SETX: variants seen among roughly 807,000 people sequenced by gnomAD.
SETX encodes helicase senataxin.
Under a neutral mutation model 227.2 loss-of-function variants are expected in SETX, and 90 were observed. The ratio of observed to expected loss-of-function variants is 0.40; its 90% CI spans 0.33 to 0.47. The LOEUF is 0.47. Ranked by LOEUF, SETX falls within the 20% of genes least tolerant of loss-of-function variation. The pLI is 0.91. For missense variants in SETX, 3,052 were observed against 3,181.5 expected, an observed-to-expected ratio of 0.96 and a Z score of 0.98; for synonymous variants, 1,210 against 1,113.2, an observed-to-expected ratio of 1.09 and a Z score of -1.73.
chr9:132,293,714 C>T, intron 15 of SETX, among the ~76,000 whole-genome samples: 1 of 152,100 alleles, frequency 6.6e-6, no homozygotes, highest in East Asian at 1.9e-4. Flanking sequence ...GCCACTGTGC[C>T]CAGCCTGCTA....
chr9:132,276,449 A>G (rs1245925307), intron 22 of SETX, among the ~76,000 whole-genome samples: 1 of 152,146 alleles, frequency 6.6e-6, no homozygotes, highest in Non-Finnish European at 1.5e-5. Context: ...CAGCCATCCC[A>G]TGATGTAGAA....
intron 3 of SETX, among the ~76,000 whole-genome samples, chr9:132,347,316 A>G (rs1177074503): frequency 1.3e-5 from 2 of 151,754 alleles, no homozygotes; most frequent in Admixed American, 1.3e-4. Context: ...ATGTTTAAAC[A>G]CTTTTTATTT....
intron 19 of SETX, chr9:132,282,925 G>T: frequency 2.8e-6 from 1 of 354,202 alleles, no homozygotes; most frequent in South Asian, 2.3e-5. Flanking sequence ...GACATCAGGT[G>T]AACATACTGT....
chr9:132,284,921 C>G (rs534956288), intron 18 of SETX, among the ~76,000 whole-genome samples: 1 of 151,724 alleles, frequency 6.6e-6, no homozygotes, highest in South Asian at 2.1e-4. Context: ...CTCTGTCACC[C>G]AGGCTGGAGT....
At chr9:132,284,871 TA>T (rs1278456525) in intron 18 of SETX, among the ~76,000 whole-genome samples, 1 of 151,530 alleles carries the variant, frequency 6.6e-6, no homozygotes, top group Non-Finnish European at 1.5e-5. Context: ...CCCACAAAGC[TA>T]TTTTTTTTGT....
chr9:132,308,842 C>A (rs1845482046), intron 11 of SETX, among the ~76,000 whole-genome samples: 2 of 152,086 alleles, frequency 1.3e-5, no homozygotes, highest in Non-Finnish European at 2.9e-5. Context: ...CCAAAGCACT[C>A]AAAAAGTAGA....
At chr9:132,337,918 C>T (rs559574175) in intron 5 of SETX, among the ~76,000 whole-genome samples, 5 of 152,168 alleles carry the variant, frequency 3.3e-5, no homozygotes, top group South Asian at 4.1e-4. Flanking sequence ...GCACCTTCAC[C>T]GAATGCTCAA....
Position 132,271,752 on chromosome 9 carries a change from A to G in SETX, c.7157T>C (p.Ile2386Thr), listed in dbSNP as rs201887051. The change falls in exon 24 of 26, where the codon ATT becomes ACT. Residue 2386 changes from isoleucine to threonine, a missense_variant. This residue lies in a region of SETX where 412 missense variants were observed against 589.0 expected (regional missense o/e 0.70). Transcript: ENST00000224140. The part of the protein sequence containing the change: ...AFQGRQKDCV[I>T]VTCVRANSIQ... ...GCTATTTGCTCTGACACACGTAACA[A>G]TAACACAATCCTTCTGCCGACCCTG... 11 of 1,614,184 alleles carry G rather than the reference A, an allele frequency of 6.8e-6. No individual in the cohort carries two copies. Among genetic ancestry groups the G allele is most frequent in the Non-Finnish European group, 9.3e-6 (11 of 1,180,028 alleles).
At position 132,278,155 on chromosome 9, in the gene SETX, G is replaced by A. The variant is rs371379076; in HGVS notation, c.6757C>T (p.Gln2253Ter). ...HNMISRLPIL[Q>*]LTVQYRMHPD... Reference sequence around the variant, plus strand: ...TGCATCCTGTACTGAACAGTGAGCTGTAGAATGGGCAGCCTGCTGATCATG... The same window carrying A: ...TGCATCCTGTACTGAACAGTGAGCTATAGAATGGGCAGCCTGCTGATCATG... The change falls in exon 21 of 26, where the codon CAG (glutamine) becomes TAG (stop). Residue 2253 changes from glutamine to a stop codon, truncating the protein, a stop_gained. Coordinates refer to ENST00000224140, the MANE Select transcript of SETX (RefSeq NM_015046.7). LOFTEE classifies it high-confidence loss of function. 6.2e-7 allele frequency: 1 copy of A among 1,614,062 alleles called. No homozygotes were observed. Among genetic ancestry groups the A allele is most frequent in the African/African-American group, 1.3e-5 (1 of 74,934 alleles).
intron 7 of SETX, among the ~76,000 whole-genome samples, chr9:132,331,931 G>A (rs1349764722): frequency 2.0e-5 from 3 of 152,178 alleles, no homozygotes; most frequent in African/African-American, 7.2e-5. Flanking sequence ...TTCTCTTTCA[G>A]CATCATCCTG....
chr9:132,334,745 G>A lies in SETX; in HGVS notation c.719-18C>T. 1 of 1,613,490 alleles carries A rather than the reference G, an allele frequency of 6.2e-7. No individual in the cohort carries two copies. The highest frequency in any genetic ancestry group is 8.5e-7 in the Non-Finnish European group (1 of 1,179,558). ...GCAAATACCTGTAAGATCATTTAGA[G>A]TTATCTTGAATTGATGAAATAATAC... On this transcript the variant is annotated intron_variant, in intron 6 of 25. Transcript: ENST00000224140.
chr9:132,324,661 CAG>C (rs1224755611), intron 10 of SETX, among the ~76,000 whole-genome samples: 1 of 152,182 alleles, frequency 6.6e-6, no homozygotes, highest in East Asian at 1.9e-4. Context: ...TGGTCACTTC[CAG>C]AGAGCAGAGA....
chr9:132,312,781 A>T (rs1845741114), intron 10 of SETX, among the ~76,000 whole-genome samples: 1 of 152,246 alleles, frequency 6.6e-6, no homozygotes, highest in Non-Finnish European at 1.5e-5. Context: ...ATCATCATCA[A>T]AAGTGCATTT....
intron 15 of SETX, among the ~76,000 whole-genome samples, chr9:132,289,354 C>G (rs975433718): frequency 9.2e-5 from 14 of 152,136 alleles, no homozygotes; most frequent in Non-Finnish European, 4.4e-5. Context: ...ACCGCCATTC[C>G]TATACATTAG....
In SETX at chr9:132,334,680, G is replaced by C; in HGVS notation, c.766C>G (p.Leu256Val). Residue 256 changes from leucine (L) to valine (V), a missense_variant, in exon 7 of 26, where the codon CTG becomes GTG. Physicochemically the swap from Leu to Val is conservative, Grantham distance 32. Around this residue, in one of 10 missense-constraint regions of SETX, gnomAD observed 239 missense variants for 240.8 expected, o/e 0.99. Transcript: ENST00000224140. ...TILEEQAMDS[L>V]LLGSDKQNDF... is the part of the protein sequence containing the mutation. ...TTTTGTTTGTCTGAGCCCAACAACAGGGAATCCATGGCTTGTTCCTCAAGA... is the reference window on the plus strand; with the variant it reads ...TTTTGTTTGTCTGAGCCCAACAACACGGAATCCATGGCTTGTTCCTCAAGA... 2 of 1,614,004 alleles carry C rather than the reference G, an allele frequency of 1.2e-6. No homozygotes were observed. The highest frequency in any genetic ancestry group is 1.3e-5 in the African/African-American group (1 of 75,014).
In SETX at chr9:132,297,049, C is replaced by G. The variant is rs375771474; in HGVS notation, c.5787G>C (p.Ala1929=). 2 of 1,610,770 alleles carry G rather than the reference C, an allele frequency of 1.2e-6. No individual in the cohort carries two copies. Among genetic ancestry groups the G allele is most frequent in the Non-Finnish European group, 8.5e-7 (1 of 1,178,062 alleles). The change falls in exon 14 of 26, where the codon GCG becomes GCC. Residue 1929 remains alanine (A), a synonymous_variant. Transcript: ENST00000224140. ...GATCTTCATTGAAATCTCTTAAGTA[C>G]GCAATCTATATAAAAAACACATTTT... ...LLTTTSERII[A]YLRDFNEDQK... is the part of the protein sequence containing the mutation.
At position 132,331,135 on chromosome 9, in the gene SETX, T is replaced by G. The variant is rs768437607; in HGVS notation, c.1015A>C (p.Lys339Gln). 4.9e-5 allele frequency: 79 copies of G among 1,613,112 alleles called. No homozygotes were observed. The highest frequency in any genetic ancestry group is 6.4e-5 in the Non-Finnish European group (75 of 1,179,274). The stretch of plus-strand genomic sequence containing the variant: ...TCCAAATAGGACTCCGGTTCTAACT[T>G]GGTCCTTAAATATTAAGAATAAATA... The part of the protein sequence containing the change: ...RHIRNSSVRT[K>Q]LEPESYLDDM... The change falls in exon 9 of 26, where the codon AAG becomes CAG. Residue 339 changes from lysine to glutamine, a missense_variant. Lys to Gln is a moderately conservative substitution (Grantham distance 53). Coordinates refer to ENST00000224140, the MANE Select transcript of SETX (RefSeq NM_015046.7).
In SETX at chr9:132,329,754, G is replaced by T. The variant is rs143340285; in HGVS notation, c.1844C>A (p.Ser615Tyr). The part of the protein sequence containing the change: ...FVDLTSACKI[S>Y]PASYNKEESE... Reference sequence around the variant, plus strand: ...TTCTTCTTTATTATAAGATGCAGGAGAGATTTTACATGCAGAAGTCAGATC... The same window carrying T: ...TTCTTCTTTATTATAAGATGCAGGATAGATTTTACATGCAGAAGTCAGATC... Residue 615 changes from serine (S) to tyrosine (Y), a missense_variant, in exon 10 of 26, where the codon TCT becomes TAT. Ser to Tyr is a moderately radical substitution (Grantham distance 144). Coordinates refer to ENST00000224140, the MANE Select transcript of SETX (RefSeq NM_015046.7). 3 of 1,613,956 alleles carry T rather than the reference G, an allele frequency of 1.9e-6. No individual in the cohort carries two copies. The highest frequency in any genetic ancestry group is 2.5e-6 in the Non-Finnish European group (3 of 1,180,008).
rs371614085 is a variant in SETX, at chr9:132,300,735, G to C, written c.5443C>G (p.Pro1815Ala). The C allele has an allele frequency of 8.1e-6, 13 of 1,613,328 alleles. No homozygotes were observed. In the African/African-American group the frequency reaches 1.7e-4, roughly 22 times the overall value. The change falls in exon 12 of 26, where the codon CCT becomes GCT. Residue 1815 changes from proline to alanine, a missense_variant. Pro to Ala is a conservative substitution (Grantham distance 27). This residue lies in a region of SETX where 239 missense variants were observed against 272.1 expected (regional missense o/e 0.88). Transcript: ENST00000224140. ...TTCTTCTCTTCATTTATTCTCTCAG[G>C]AGCTAAAAACACCAAATCGTTTTCC... The part of the protein sequence containing the change: ...PKENDLVFLA[P>A]ERINEEKKDT...
Sources: allele counts gnomAD v4.1 joint callset (sites outside exome capture counted in the v4.1 genomes callset), GRCh38; gene constraint gnomAD v4.1.1; regional missense constraint gnomAD v4.1.1; transcripts MANE v1.5; gene names NCBI Gene and HGNC (gene_info 2026-07-23, HGNC 2026-07-21).